USP50: variants seen among roughly 807,000 people sequenced by gnomAD.
USP50 encodes ubiquitin carboxyl-terminal hydrolase 50.
A neutral mutation model predicts 39.2 loss-of-function variants in USP50; 37 were observed. That is an observed-to-expected ratio of 0.94 (90% CI 0.73 to 1.24). USP50 has a LOEUF of 1.24. Among genes scored for constraint, USP50 ranks in the 50% most tolerant of loss-of-function variants. The pLI is 0.00. For missense variants in USP50, 374 were observed against 398.2 expected, an observed-to-expected ratio of 0.94 and a Z score of 0.52; for synonymous variants, 139 against 144.5, an observed-to-expected ratio of 0.96 and a Z score of 0.27.
At chr15:50,510,974 T>C (rs2141351826) in intron 6 of USP50, 1 of 152,294 alleles carries the variant, frequency 6.6e-6, no homozygotes, top group Non-Finnish European at 1.5e-5. Context: ...GAGACGGGGT[T>C]TCACCGTGTT....
At chr15:50,505,152 T>G (rs1044605451) in intron 6 of USP50, 3 of 152,078 alleles carry the variant, frequency 2.0e-5, no homozygotes, top group African/African-American at 7.2e-5. Context: ...CAAGGCAATA[T>G]TAAAAGTGAT....
At chr15:50,529,489 C>T (rs1405440849) in intron 6 of USP50, among the ~76,000 whole-genome samples, 1 of 152,146 alleles carries the variant, frequency 6.6e-6, no homozygotes, top group African/African-American at 2.4e-5. Flanking sequence ...AAGGCCCTGT[C>T]TCAGAAACAA....
At chr15:50,534,073 T>A (rs1457448273) in intron 5 of USP50, among the ~76,000 whole-genome samples, 3 of 152,118 alleles carry the variant, frequency 2.0e-5, no homozygotes, top group African/African-American at 7.2e-5. Flanking sequence ...TGGATCTACA[T>A]AAAAAGCACT....
chr15:50,503,926 A>AGC (rs2052623928), intron 6 of USP50: 1 of 152,198 alleles, frequency 6.6e-6, no homozygotes, highest in Non-Finnish European at 1.5e-5. Flanking sequence ...AGAATTATTA[A>AGC]GCAGAGGCTA....
chr15:50,522,250 C>A (rs1349076646), intron 6 of USP50, among the ~76,000 whole-genome samples: 1 of 151,722 alleles, frequency 6.6e-6, no homozygotes, highest in East Asian at 1.9e-4. Context: ...TATAGTGAGA[C>A]CCCATCTCTA....
At chr15:50,540,594 C>T (rs948892102) in intron 4 of USP50, among the ~76,000 whole-genome samples, 6 of 152,072 alleles carry the variant, frequency 3.9e-5, no homozygotes, top group African/African-American at 1.4e-4. Flanking sequence ...AAAAAAAATA[C>T]TGTCATCATG....
intron 1 of USP50, among the ~76,000 whole-genome samples, chr15:50,494,801 G>C (rs1336275321): frequency 6.6e-6 from 1 of 152,156 alleles, no homozygotes; most frequent in Non-Finnish European, 1.5e-5. Context: ...GATCACCTGA[G>C]GTCAGGAGTT....
At chr15:50,534,506 A>G (rs1466891956) in intron 5 of USP50, among the ~76,000 whole-genome samples, 1 of 152,250 alleles carries the variant, frequency 6.6e-6, no homozygotes, top group Non-Finnish European at 1.5e-5. Context: ...ATTTAACCCA[A>G]CGGCATCAAC....
chr15:50,516,255 T>C (rs2052802668), intron 6 of USP50, among the ~76,000 whole-genome samples: 1 of 152,076 alleles, frequency 6.6e-6, no homozygotes, highest in Non-Finnish European at 1.5e-5. Flanking sequence ...AACTACAAAA[T>C]GGCAGTAGCA....
At chr15:50,544,392 A>G (rs1330444769) in intron 2 of USP50, among the ~76,000 whole-genome samples, 195 bp downstream of exon 2, 1 of 150,050 alleles carries the variant, frequency 6.7e-6, no homozygotes, top group Non-Finnish European at 1.5e-5. Context: ...ATAAAAAATA[A>G]AAAAAAAAGG....
chr15:50,501,164 AAG>A (rs1159115386), intron 6 of USP50: 1 of 247,028 alleles, frequency 4.0e-6, no homozygotes, highest in Non-Finnish European at 8.2e-6. Context: ...ATTTTACAAT[AAG>A]AAGATAATTC....
chr15:50,495,492 G>GC (rs199524459), intron 1 of USP50, among the ~76,000 whole-genome samples: 1 of 149,428 alleles, frequency 6.7e-6, no homozygotes, highest in Non-Finnish European at 1.5e-5. Context: ...TTGGAGGGGG[G>GC]GGTCTCACTA....
chr15:50,533,025 G>A (rs574316465), intron 5 of USP50, among the ~76,000 whole-genome samples: 31 of 152,074 alleles, frequency 2.0e-4, no homozygotes, highest in African/African-American at 6.3e-4. Context: ...AAGACTGGCC[G>A]GTCAGGCGCA....
chr15:50,506,957 CAAAAAAAAAAAAAAA>C (rs58329541), intron 6 of USP50: 30 of 46,228 alleles, frequency 6.5e-4, no homozygotes, highest in East Asian at 3.5e-3. Context: ...GACTTCATCT[CAAAAAAAAAAAAAAA>C]AAAAAAAAAA....
chr15:50,535,822 C>A (rs1334642524), intron 5 of USP50, among the ~76,000 whole-genome samples: 2 of 152,002 alleles, frequency 1.3e-5, no homozygotes, highest in African/African-American at 4.8e-5. Flanking sequence ...AAAGCTGGTC[C>A]TACATTGGAA....
At chr15:50,530,924 T>C (rs1168393437) in intron 5 of USP50, among the ~76,000 whole-genome samples, 2 of 152,176 alleles carry the variant, frequency 1.3e-5, no homozygotes, top group South Asian at 2.1e-4. Flanking sequence ...TGTCCTGTTT[T>C]CAAGCTCTGA....
downstream of USP50, chr15:50,498,438 A>C (rs2052496987): frequency 1.1e-6 from 1 of 941,882 alleles, no homozygotes; most frequent in Non-Finnish European, 1.5e-6. Context: ...ATGGAAATGA[A>C]GCCAAATGTC....
chr15:50,531,425 C>A (rs543350780), intron 5 of USP50, among the ~76,000 whole-genome samples: 29 of 152,260 alleles, frequency 1.9e-4, no homozygotes, highest in Non-Finnish European at 3.1e-4. Flanking sequence ...ACAAAAGAAT[C>A]ATGCTAAGTG....
intron 6 of USP50, among the ~76,000 whole-genome samples, chr15:50,523,909 A>G (rs1046329041): frequency 6.6e-6 from 1 of 152,248 alleles, no homozygotes; most frequent in Non-Finnish European, 1.5e-5. Context: ...TATAATCAAA[A>G]CAGCATGTTC....
Sources: gnomAD v4.1 joint callset for allele counts (sites outside exome capture counted in the v4.1 genomes callset) on GRCh38, gnomAD v4.1.1 for gene constraint, MANE v1.5 for transcripts, NCBI Gene and HGNC (gene_info 2026-07-23, HGNC 2026-07-21) for gene names.